Variants in KIAA1328 observed in about 807,000 individuals in gnomAD.
KIAA1328 encodes protein hinderin.
KIAA1328 carries 52 observed loss-of-function variants against 68.1 expected under a neutral mutation model. That is an observed-to-expected ratio of 0.76 (90% CI 0.61 to 0.96). The LOEUF (loss-of-function observed/expected upper bound fraction) is 0.96. Ranked by LOEUF, KIAA1328 falls within the 40% of genes least tolerant of loss-of-function variation. The pLI is 0.00. For missense variants in KIAA1328, 641 were observed against 677.6 expected, an observed-to-expected ratio of 0.95 and a Z score of 0.60; for synonymous variants, 232 against 239.4, an observed-to-expected ratio of 0.97 and a Z score of 0.28.
chr18:37,057,751 T>C (rs2151694461), intron 6 of KIAA1328, among the ~76,000 whole-genome samples: 1 of 152,206 alleles, frequency 6.6e-6, no homozygotes, highest in East Asian at 1.9e-4. Context: ...AAATTTAAAT[T>C]TCACTGCCTA....
chr18:37,053,678 C>A (rs537271061), intron 6 of KIAA1328, among the ~76,000 whole-genome samples: 1 of 152,248 alleles, frequency 6.6e-6, no homozygotes, highest in Non-Finnish European at 1.5e-5. Context: ...CGGAAACTTA[C>A]AATCATGGTG....
rs143812042 is a variant in KIAA1328, at chr18:37,172,923, C to A, written c.1415-50C>A. On this transcript the variant is annotated intron_variant, in intron 8 of 9. Coordinates refer to ENST00000280020, the MANE Select transcript of KIAA1328 (RefSeq NM_020776.3). The stretch of plus-strand genomic sequence containing the variant: ...ATAAATTTACTAAGAGTGAACTTTT[C>A]CATTTTCTTTTACTGAATGCCCAAA... The A allele has an allele frequency of 1.1e-4, 147 of 1,391,616 alleles. 2 individuals carry two copies. In the East Asian group the frequency reaches 2.9e-3, roughly 27 times the overall value. 86.2% of individuals were successfully genotyped at this position (1,391,616 alleles called of 1,614,324 possible).
At chr18:37,217,676 G>A (rs980565600) in intron 9 of KIAA1328, among the ~76,000 whole-genome samples, 1 of 152,116 alleles carries the variant, frequency 6.6e-6, no homozygotes, top group African/African-American at 2.4e-5. Context: ...GAGTATCTTT[G>A]TGGTGTTCTC....
At chr18:37,107,473 A>G (rs892687905) in intron 7 of KIAA1328, among the ~76,000 whole-genome samples, 2 of 152,132 alleles carry the variant, frequency 1.3e-5, no homozygotes, top group African/African-American at 4.8e-5. Context: ...TACTATATTG[A>G]TCCTTCCAGC....
intron 9 of KIAA1328, among the ~76,000 whole-genome samples, chr18:37,217,690 A>T (rs1477567031): frequency 2.6e-5 from 4 of 152,012 alleles, no homozygotes; most frequent in Non-Finnish European, 5.9e-5. Context: ...TGTTCTCTGT[A>T]TTTCCTGAAT....
intron 6 of KIAA1328, among the ~76,000 whole-genome samples, chr18:37,033,986 G>A (rs1223458201): frequency 6.6e-6 from 1 of 152,160 alleles, no homozygotes; most frequent in Non-Finnish European, 1.5e-5. Context: ...CAGACCAGTT[G>A]TATATTTTGT....
chr18:37,050,419 C>G (rs2055648081), intron 6 of KIAA1328, among the ~76,000 whole-genome samples: 1 of 152,078 alleles, frequency 6.6e-6, no homozygotes, highest in Non-Finnish European at 1.5e-5. Context: ...CTCATTTTCT[C>G]TTTAAAATTA....
chr18:37,227,305 T>C (rs921481543), downstream of KIAA1328, among the ~76,000 whole-genome samples: 1 of 152,196 alleles, frequency 6.6e-6, no homozygotes, highest in Non-Finnish European at 1.5e-5. Flanking sequence ...CCTAGGATCA[T>C]TGATGAAGGT....
At chr18:37,105,534 A>G (rs1454195113) in intron 7 of KIAA1328, among the ~76,000 whole-genome samples, 1 of 150,516 alleles carries the variant, frequency 6.6e-6, no homozygotes, top group African/African-American at 2.4e-5. Flanking sequence ...GCACTACTGC[A>G]GAAAAGTATT....
intron 6 of KIAA1328, among the ~76,000 whole-genome samples, chr18:36,981,240 A>ATTTT (rs1473851616): frequency 1.3e-5 from 2 of 152,150 alleles, no homozygotes; most frequent in Non-Finnish European, 2.9e-5. Flanking sequence ...ACCTCTCCAC[A>ATTTT]CTGATTCAAC....
At chr18:36,963,694 A>C (rs2051795043) in intron 6 of KIAA1328, among the ~76,000 whole-genome samples, 1 of 152,066 alleles carries the variant, frequency 6.6e-6, no homozygotes, top group Admixed American at 6.5e-5. Context: ...CTTCCCACTT[A>C]CCTTGTCATG....
At chr18:37,067,770 G>A (rs1430520122) in intron 7 of KIAA1328, among the ~76,000 whole-genome samples, 1 of 152,028 alleles carries the variant, frequency 6.6e-6, no homozygotes, top group Non-Finnish European at 1.5e-5. Flanking sequence ...GTCTTGGCCA[G>A]GCTGGTCTTG....
chr18:36,842,560 A>G (rs538148219), intron 3 of KIAA1328, among the ~76,000 whole-genome samples: 123 of 152,116 alleles, frequency 8.1e-4, no homozygotes, highest in Middle Eastern at 6.8e-3. Context: ...AGCTACCAGT[A>G]CCTCTAGAAT....
intron 6 of KIAA1328, among the ~76,000 whole-genome samples, chr18:37,062,240 A>G (rs2056174191): frequency 6.6e-6 from 1 of 152,172 alleles, no homozygotes; most frequent in Non-Finnish European, 1.5e-5. Context: ...AAGTTTAGAT[A>G]TAACCTGTTG....
At chr18:36,914,499 A>G (rs2049601854) in intron 5 of KIAA1328, among the ~76,000 whole-genome samples, 1 of 152,048 alleles carries the variant, frequency 6.6e-6, no homozygotes, top group Admixed American at 6.6e-5. Flanking sequence ...AGGTGGGGGG[A>G]TCACAAGGTC....
chr18:37,024,533 C>A (rs577961905), intron 6 of KIAA1328, among the ~76,000 whole-genome samples: 2 of 139,390 alleles, frequency 1.4e-5, no homozygotes, highest in African/African-American at 5.2e-5. Flanking sequence ...GCCCCTCCCC[C>A]CACCCCACAA....
chr18:37,201,956 T>A (rs2060122579), intron 9 of KIAA1328, among the ~76,000 whole-genome samples: 1 of 152,194 alleles, frequency 6.6e-6, no homozygotes, highest in Admixed American at 6.5e-5. Context: ...TGGTCACATT[T>A]AAAAATATGA....
rs542819274 is a variant in KIAA1328 at position 37,010,186 on chromosome 18, T to G, written c.576+50751T>G. 2.0e-5 allele frequency among the ~76,000 whole-genome samples: 3 copies of G among 152,240 alleles called. No individual in the cohort carries two copies. The East Asian group carries it at 5.8e-4, about 29-fold the overall frequency. On this transcript the variant is annotated intron_variant, in intron 6 of 9. Coordinates refer to ENST00000280020, the MANE Select transcript of KIAA1328 (RefSeq NM_020776.3). ...AAGGCTGGGCACAATGGCTCACCCC[T>G]GTAATCCCAGCACTTTGGGAGGCCG... is the stretch of plus-strand genomic sequence containing the variant.
intron 7 of KIAA1328, among the ~76,000 whole-genome samples, chr18:37,093,971 TGAG>T (rs1054490450): frequency 6.6e-6 from 1 of 152,162 alleles, no homozygotes. Flanking sequence ...AGCGGTCTCA[TGAG>T]GAAATGAGGA....
Sources: allele counts gnomAD v4.1 joint callset (sites outside exome capture counted in the v4.1 genomes callset), GRCh38; gene constraint gnomAD v4.1.1; transcripts MANE v1.5; gene names NCBI Gene and HGNC (gene_info 2026-07-23, HGNC 2026-07-21).